ATG2A: variants seen among roughly 807,000 people sequenced by gnomAD.
ATG2A encodes autophagy related 2A.
In ATG2A, 103 loss-of-function variants were observed where a neutral mutation model predicts 214.2. The observed-to-expected ratio is 0.48, with a 90% CI of 0.41 to 0.57. The LOEUF (loss-of-function observed/expected upper bound fraction) is 0.57. ATG2A is among the 20% of genes least tolerant of loss of function. The pLI, the probability that ATG2A is intolerant of heterozygous loss-of-function variation, is 0.00. For missense variants in ATG2A, 2,312 were observed against 2,613.2 expected (o/e 0.88, Z 2.51); for synonymous variants, 1,160 against 1,142.1 (o/e 1.02, Z -0.32).
rs1944219328 is a variant in ATG2A at position 64,898,071 on chromosome 11, GGC to G, written c.4858+13_4858+14del. The G allele has an allele frequency of 1.9e-6, 3 of 1,613,358 alleles. No homozygotes were observed. The highest frequency in any genetic ancestry group is 2.5e-6 in the Non-Finnish European group (3 of 1,179,834). ...AGAAGGCCCAGACGCTCCCCTCCCT[GGC>G]CCAGCCTCTCACCCTCAGCGGAGGT... On this transcript the variant is annotated intron_variant, in intron 34 of 40. Transcript: ENST00000377264. The surrounding 1 kb of genome is among the most constrained non-coding windows in gnomAD (Gnocchi z 4.5).
At chr11:64,902,713 G>T in intron 26 of ATG2A, 33 bp from the exon 27 acceptor site, 1 of 1,592,290 alleles carries the variant, frequency 6.3e-7, no homozygotes, top group South Asian at 1.1e-5. Context: ...GCAGCTATGT[G>T]AACACAGGGG....
chr11:64,897,565 G>C (rs528881552), intron 36 of ATG2A, 71 bp from the exon 37 acceptor site: 1 of 1,600,978 alleles, frequency 6.2e-7, no homozygotes, highest in African/African-American at 1.3e-5. Context: ...GGAGCCACTG[G>C]AGAGCGCCCT....
chr11:64,896,074 C>G (rs1770555773), intron 39 of ATG2A, among the ~76,000 whole-genome samples: 1 of 152,234 alleles, frequency 6.6e-6, no homozygotes, highest in Non-Finnish European at 1.5e-5. Context: ...AGACTGGCTC[C>G]CCAGCTTCCC....
In ATG2A at chr11:64,897,939, G is replaced by A; in HGVS notation, c.4894C>T (p.Leu1632=). ...TCTACGCCTTCGGCCTGCCCTTCCA[G>A]GGGGCTGCTGGGCTGGGCTCGAGTC... The part of the protein sequence containing the change: ...PETRAQPSSP[L]EGQAEGVETT... The change falls in exon 35 of 41, where the codon CTG becomes TTG. Residue 1632 remains leucine (L), a synonymous_variant. Coordinates refer to ENST00000377264, the MANE Select transcript of ATG2A (RefSeq NM_015104.3). The A allele has an allele frequency of 6.5e-7, 1 of 1,548,296 alleles. No individual in the cohort carries two copies. Among genetic ancestry groups the A allele is most frequent in the Non-Finnish European group, 8.7e-7 (1 of 1,149,556 alleles).
At position 64,913,745 on chromosome 11, in the gene ATG2A, G is replaced by T; in HGVS notation, c.590+76C>A. On this transcript the variant is annotated intron_variant, in intron 4 of 40. Transcript: ENST00000377264. The surrounding 1 kb of genome is among the most constrained non-coding windows in gnomAD (Gnocchi z 4.3). ...ACCCTGCCTCTTCCCAGGAACCTAG[G>T]CTGCGGGTGGGGACCATCCAGCAGC... 1 of 1,429,724 alleles carries T rather than the reference G, an allele frequency of 7.0e-7. No individual in the cohort carries two copies. Among genetic ancestry groups the T allele is most frequent in the Non-Finnish European group, 9.7e-7 (1 of 1,028,222 alleles). 88.6% of individuals were successfully genotyped at this position (1,429,724 alleles called of 1,614,324 possible).
At position 64,909,183 on chromosome 11, in the gene ATG2A, GGGCCCCCGGCACCCAGTTCCAAACT is replaced by G. The variant is rs779490198; in HGVS notation, c.2205-58_2205-34del. ...GGCACAGGCCTGTTACTGGCCTGCA[GGGCCCCCGGCACCCAGTTCCAAACT>G]GGCCCCCTGCCACCCCCAGCAGAAC... On this transcript the variant is annotated intron_variant, in intron 15 of 40. Coordinates refer to ENST00000377264, the MANE Select transcript of ATG2A (RefSeq NM_015104.3). 46 of 1,605,694 alleles carry G rather than the reference GGGCCCCCGGCACCCAGTTCCAAACT, an allele frequency of 2.9e-5. No individual in the cohort carries two copies. In the East Asian group the frequency reaches 9.4e-4, roughly 33 times the overall value.
At chr11:64,915,872 G>C (rs1377933253) in intron 1 of ATG2A, among the ~76,000 whole-genome samples, 3 of 152,180 alleles carry the variant, frequency 2.0e-5, no homozygotes, top group African/African-American at 7.2e-5. Flanking sequence ...TTAGAGGTCA[G>C]AGAGGGCTTC....
rs141282404 is a variant in ATG2A, at chr11:64,907,362, C to T, written c.2725G>A (p.Gly909Ser). The change falls in exon 19 of 41, where the codon GGC becomes AGC. Residue 909 changes from glycine to serine, a missense_variant. Transcript: ENST00000377264. The part of the protein sequence containing the change: ...AHFFSVGASG[G>S]PQAAAPEAPS... Reference sequence around the variant, plus strand: ...GCCTCAGGGGCAGCGGCCTGTGGGCCACCTGATGCCCCCACTGAGAAGAAG... The same window carrying T: ...GCCTCAGGGGCAGCGGCCTGTGGGCTACCTGATGCCCCCACTGAGAAGAAG... The T allele has an allele frequency of 1.8e-4, 284 of 1,559,880 alleles. No individual in the cohort carries two copies. The highest frequency in any genetic ancestry group is 3.3e-4 in the Middle Eastern group (2 of 6,004).
chr11:64,897,381 C>G (rs1363417453), intron 37 of ATG2A, 31 bp downstream of exon 37: 1 of 1,552,704 alleles, frequency 6.4e-7, no homozygotes, highest in Admixed American at 2.0e-5. Context: ...ATCAGGGACC[C>G]TGGAGAGAGG....
At chr11:64,904,836 C>T (rs1020473512) in intron 24 of ATG2A, among the ~76,000 whole-genome samples, 53 of 149,274 alleles carry the variant, frequency 3.6e-4, no homozygotes, top group African/African-American at 1.3e-3. Context: ...ATCTATCTAT[C>T]TATCTATCTA....
In ATG2A at chr11:64,916,927, C is replaced by T. The variant is rs377649178; in HGVS notation, c.171+38G>A. On this transcript the variant is annotated intron_variant, in intron 1 of 40. Transcript: ENST00000377264. ...GGAGCCTCAGGTCGCTGCGCTCCCA[C>T]CCTCCGCACCTTCCTGGACTCGGGC... 39 of 1,608,652 alleles carry T rather than the reference C, an allele frequency of 2.4e-5. No individual in the cohort carries two copies. The African/African-American group carries it at 3.3e-4, about 14-fold the overall frequency.
rs547893861 is a variant in ATG2A at position 64,895,235 on chromosome 11, G to A, written c.5581-26C>T. ...CTGTGGAAGCCAGAGGTCAGGGCGGGGTCTGTGTGAGGAGATGGGCATGGG... is the reference window on the plus strand; with the variant it reads ...CTGTGGAAGCCAGAGGTCAGGGCGGAGTCTGTGTGAGGAGATGGGCATGGG... On this transcript the variant is annotated intron_variant, in intron 40 of 40. Coordinates refer to ENST00000377264, the MANE Select transcript of ATG2A (RefSeq NM_015104.3). This position sits in a 1 kb window ranked among gnomAD's most constrained non-coding sequence, Gnocchi z 5.0. 1.6e-4 allele frequency: 255 copies of A among 1,613,116 alleles called. 2 individuals are homozygous for A. In the South Asian group the frequency reaches 2.5e-3, roughly 16 times the overall value.
At chr11:64,904,795 T>G (rs933761850) in intron 24 of ATG2A, among the ~76,000 whole-genome samples, 2 of 65,734 alleles carry the variant, frequency 3.0e-5, no homozygotes, top group African/African-American at 1.3e-4. Context: ...AACACTGTAC[T>G]GTGGCATCTT....
rs771443878 is a variant in ATG2A at position 64,910,624 on chromosome 11, C to T, written c.1699G>A (p.Val567Met). The T allele has an allele frequency of 1.9e-6, 3 of 1,601,896 alleles. No homozygotes were observed. Among genetic ancestry groups the T allele is most frequent in the Non-Finnish European group, 2.6e-6 (3 of 1,174,870 alleles). The change falls in exon 12 of 41, where the codon GTG becomes ATG. Residue 567 changes from valine to methionine, a missense_variant. Val to Met is a conservative substitution (Grantham distance 21). Transcript: ENST00000377264. ...HLRHTQILRRVPKSRPRRSVA... is the reference protein window; with the variant it reads ...HLRHTQILRRMPKSRPRRSVA... The stretch of plus-strand genomic sequence containing the variant: ...TGGAGCGGGTGGGTTACCTTAGGCA[C>T]ACGGCGCAGGATCTGTGTGTGGCGC...
chr11:64,911,288 A>C lies in ATG2A; in HGVS notation c.1229-13T>G. 1 of 1,611,024 alleles carries C rather than the reference A, an allele frequency of 6.2e-7. No individual in the cohort carries two copies. Among genetic ancestry groups the C allele is most frequent in the Non-Finnish European group, 8.5e-7 (1 of 1,178,626 alleles). On this transcript the variant is annotated splice_polypyrimidine_tract_variant and intron_variant, in intron 9 of 40. Transcript: ENST00000377264. Reference sequence around the variant, plus strand: ...GGGGCCATCTTGCCTGAGGGGACAGAGGCTTCAGCAGGGGCTCCCAACAGA... The same window carrying C: ...GGGGCCATCTTGCCTGAGGGGACAGCGGCTTCAGCAGGGGCTCCCAACAGA...
At chr11:64,896,932 G>C in intron 37 of ATG2A, 63 bp from the exon 38 acceptor site, 1 of 1,591,070 alleles carries the variant, frequency 6.3e-7, no homozygotes. Context: ...AGGGATTGTG[G>C]GGTCAGGAGG....
intron 16 of ATG2A, among the ~76,000 whole-genome samples, chr11:64,908,775 C>T (rs1288960895): frequency 1.3e-5 from 2 of 152,180 alleles, no homozygotes; most frequent in Non-Finnish European, 2.9e-5. Flanking sequence ...GACCCATGCT[C>T]CCCAGGGGCC....
chr11:64,905,696 G>T lies in ATG2A; in HGVS notation c.3372-41C>A, dbSNP rs746192009. The T allele has an allele frequency of 5.6e-6, 9 of 1,613,336 alleles. No homozygotes were observed. In the African/African-American group the frequency reaches 1.2e-4, roughly 22 times the overall value. On this transcript the variant is annotated intron_variant, in intron 23 of 40. Transcript: ENST00000377264. ...GGGCTGGGGCCGGCTCCTTACACCT[G>T]AGAGCCCATCCCCGTCCCCAGCCCC...
chr11:64,915,932 A>T (rs988072257), intron 1 of ATG2A, among the ~76,000 whole-genome samples: 1 of 152,088 alleles, frequency 6.6e-6, no homozygotes, highest in African/African-American at 2.4e-5. Context: ...CCCCCAGTTC[A>T]GGGCCCACGA....
Sources: allele counts gnomAD v4.1 joint callset (sites outside exome capture counted in the v4.1 genomes callset), GRCh38; gene constraint gnomAD v4.1.1; non-coding constraint Gnocchi (gnomAD v3.1); transcripts MANE v1.5; gene names NCBI Gene and HGNC (gene_info 2026-07-23, HGNC 2026-07-21).